EIF2B1: variants seen among roughly 807,000 people sequenced by gnomAD.
EIF2B1 encodes eukaryotic translation initiation factor 2B subunit alpha.
Under a neutral mutation model 36.8 loss-of-function variants are expected in EIF2B1, and 30 were observed. The ratio of observed to expected loss-of-function variants is 0.81; its 90% confidence interval spans 0.61 to 1.10. The LOEUF (loss-of-function observed/expected upper bound fraction) is 1.10, where lower values mean the gene tolerates loss of function less well. Ranked by LOEUF, EIF2B1 falls within the 50% of genes least tolerant of loss-of-function variation. EIF2B1 has a pLI of 0.00. For synonymous variants in EIF2B1, 139 were observed against 142.2 expected (o/e 0.98, Z 0.16); for missense variants, 271 against 374.8 (o/e 0.72, Z 2.29).
chr12:123,625,542 TC>T (rs1367853546), intron 6 of EIF2B1, among the ~76,000 whole-genome samples: 21 of 152,206 alleles, frequency 1.4e-4, no homozygotes, highest in Admixed American at 5.2e-4. Context: ...GCCAATTTAG[TC>T]TTTAAAATGA....
At chr12:123,627,361 C>CA (rs1387713224) in intron 4 of EIF2B1, among the ~76,000 whole-genome samples, 1 of 152,202 alleles carries the variant, frequency 6.6e-6, no homozygotes, top group Non-Finnish European at 1.5e-5. Flanking sequence ...CATCCTGTAG[C>CA]AGGTGCAGAA....
intron 8 of EIF2B1, 79 bp downstream of exon 8, chr12:123,622,557 C>T: frequency 6.3e-7 from 1 of 1,593,018 alleles, no homozygotes; most frequent in Non-Finnish European, 8.6e-7. Flanking sequence ...GAAAAAATTA[C>T]TGGAACATTC....
At position 123,633,640 on chromosome 12, in the gene EIF2B1, G is replaced by C. The variant is rs769282951; in HGVS notation, c.-83C>G. 1 of 1,591,768 alleles carries C rather than the reference G, an allele frequency of 6.3e-7. No individual in the cohort carries two copies. Among genetic ancestry groups the C allele is most frequent in the Non-Finnish European group, 8.5e-7 (1 of 1,172,682 alleles). ...GGTCCGCCGGCCGCGCCGCCTGCGAGCCAGTCTGACAGCGCGCTGCACACC... is the reference window on the plus strand; with the variant it reads ...GGTCCGCCGGCCGCGCCGCCTGCGACCCAGTCTGACAGCGCGCTGCACACC... On this transcript the variant is annotated 5_prime_UTR_variant, in exon 1 of 9. Coordinates refer to ENST00000424014, the MANE Select transcript of EIF2B1 (RefSeq NM_001414.4).
intron 5 of EIF2B1, chr12:123,626,827 G>A (rs774054087): frequency 5.6e-5 from 39 of 698,474 alleles, no homozygotes; most frequent in Admixed American, 1.0e-4. Context: ...GCTCTTCCAC[G>A]GAGTTAACTA....
At position 123,633,594 on chromosome 12, in the gene EIF2B1, C is replaced by G. The variant is rs1444361049; in HGVS notation, c.-37G>C. ...GCTGCGGAGCCCCAGGGGACCCGAG[C>G]CGCCCGCGCTGTCTCGAACGGGTCC... On this transcript the variant is annotated 5_prime_UTR_variant, in exon 1 of 9. Coordinates refer to ENST00000424014, the MANE Select transcript of EIF2B1 (RefSeq NM_001414.4). 6.2e-7 allele frequency: 1 copy of G among 1,605,884 alleles called. No homozygotes were observed. Among genetic ancestry groups the G allele is most frequent in the Non-Finnish European group, 8.5e-7 (1 of 1,179,894 alleles).
rs1555286069 is a variant in EIF2B1, at chr12:123,633,654, G to C, written c.-97C>G. 10 of 1,564,256 alleles carry C rather than the reference G, an allele frequency of 6.4e-6. No homozygotes were observed. The South Asian group carries it at 8.9e-5, about 14-fold the overall frequency. On this transcript the variant is annotated 5_prime_UTR_variant, in exon 1 of 9. Transcript: ENST00000424014. Reference sequence around the variant, plus strand: ...GCCGCCTGCGAGCCAGTCTGACAGCGCGCTGCACACCTCCGCACCCCACTT... The same window carrying C: ...GCCGCCTGCGAGCCAGTCTGACAGCCCGCTGCACACCTCCGCACCCCACTT...
chr12:123,622,327 G>C (rs1955108721), intron 8 of EIF2B1, among the ~76,000 whole-genome samples: 2 of 152,194 alleles, frequency 1.3e-5, no homozygotes, highest in Admixed American at 1.3e-4. Context: ...GAAATGAAAG[G>C]ACTTGCCTCA....
chr12:123,632,427 CTT>C lies in EIF2B1; in HGVS notation c.31_32del (p.Lys11ValfsTer8). On this transcript the variant is annotated frameshift_variant, in exon 2 of 9. Coordinates refer to ENST00000424014, the MANE Select transcript of EIF2B1 (RefSeq NM_001414.4). LOFTEE classifies it high-confidence loss of function. ...TGTCAGGATCTTCTTTCATCTGAGA[CTT>C]AAAGTATTCAATTAACTCTGGAAAA... MDDKELIEYF[K>X]SQMKEDPDMA... The C allele has an allele frequency of 6.2e-7, 1 of 1,613,224 alleles. No homozygotes were observed. The highest frequency in any genetic ancestry group is 8.5e-7 in the Non-Finnish European group (1 of 1,179,580).
rs1566215502 is a variant in EIF2B1, at chr12:123,626,412, G to A, written c.551+13C>T. 6.2e-7 allele frequency: 1 copy of A among 1,614,090 alleles called. No individual in the cohort carries two copies. The highest frequency in any genetic ancestry group is 1.1e-5 in the South Asian group (1 of 91,086). On this transcript the variant is annotated intron_variant, in intron 6 of 8. Coordinates refer to ENST00000424014, the MANE Select transcript of EIF2B1 (RefSeq NM_001414.4). ...GGGGGAGGTGATTATGGCTGGGGAA[G>A]ATGGGCACTCACCCGACAGCAGCAT...
chr12:123,630,197 A>G lies in EIF2B1; in HGVS notation c.341T>C (p.Leu114Pro), dbSNP rs1955177720. The G allele has an allele frequency of 1.2e-6, 2 of 1,614,072 alleles. No homozygotes were observed. The highest frequency in any genetic ancestry group is 2.7e-5 in the African/African-American group (2 of 75,064). ...TCCATCTTTGATGAAAGTATGGCAC[A>G]GATCTGCAATTTTGTTTCTTGACAG... ...ISLSRNKIAD[L>P]CHTFIKDGAT... The change falls in exon 4 of 9, where the codon CTG (leucine) becomes CCG (proline). Residue 114 changes from leucine to proline, a missense_variant. By Grantham distance (98) the Leu-to-Pro change is moderately conservative. Transcript: ENST00000424014. This position sits in a 1 kb window ranked among gnomAD's most constrained non-coding sequence, Gnocchi z 4.6.
At chr12:123,624,073 G>A (rs6488884) in intron 7 of EIF2B1, among the ~76,000 whole-genome samples, 44,852 of 147,736 alleles carry the variant, frequency 0.3, 7,473 homozygotes, top group African/African-American at 0.42. Flanking sequence ...ATAAATACAC[G>A]TATTTTATAC....
rs1555284662 is a variant in EIF2B1, at chr12:123,620,619, T to TATAA, written c.*1136_*1137insTTAT. The TATAA allele has an allele frequency of 1.5e-3, 179 of 120,544 alleles. No individual in the cohort carries two copies. Among genetic ancestry groups the TATAA allele is most frequent in the African/African-American group, 5.9e-3 (162 of 27,298 alleles). The allele number at this position is 120,544 out of a possible 1,614,324, so 7.5% of individuals were successfully genotyped here. On this transcript the variant is annotated 3_prime_UTR_variant, in exon 9 of 9. Coordinates refer to ENST00000424014, the MANE Select transcript of EIF2B1 (RefSeq NM_001414.4). ...ATATATATATATATATATATATATATATATATATAAGCTCTTTTTTCTGAG... is the reference window on the plus strand; with the variant it reads ...ATATATATATATATATATATATATATATAAATATATATAAGCTCTTTTTTCTGAG...
At chr12:123,627,288 A>G (rs1955156504) in intron 4 of EIF2B1, 132 bp from the exon 5 acceptor site, 1 of 773,356 alleles carries the variant, frequency 1.3e-6, no homozygotes, top group African/African-American at 1.7e-5. Flanking sequence ...ACAACCAGAA[A>G]GGAGACCTGA....
intron 7 of EIF2B1, among the ~76,000 whole-genome samples, chr12:123,624,096 T>C (rs1049350146): frequency 6.7e-6 from 1 of 148,658 alleles, no homozygotes; most frequent in Non-Finnish European, 1.5e-5. Flanking sequence ...ACATACTTTA[T>C]ATGTAAATAT....
chr12:123,622,238 T>C (rs996666488), intron 8 of EIF2B1, among the ~76,000 whole-genome samples: 1 of 152,220 alleles, frequency 6.6e-6, no homozygotes. Context: ...GGGACTGTGC[T>C]AAGATTATCT....
intron 7 of EIF2B1, among the ~76,000 whole-genome samples, chr12:123,623,255 G>A (rs1955121777): frequency 6.6e-6 from 1 of 151,730 alleles, no homozygotes; most frequent in South Asian, 2.1e-4. Context: ...GTGGGATGGG[G>A]GGTGCCTGTA....
At chr12:123,628,245 C>T (rs898676474) in intron 4 of EIF2B1, among the ~76,000 whole-genome samples, 1 of 151,736 alleles carries the variant, frequency 6.6e-6, no homozygotes, top group Non-Finnish European at 1.5e-5. Context: ...TTTGTAGAGA[C>T]AGGGCCTCTC....
intron 6 of EIF2B1, chr12:123,626,140 CAAA>C (rs1042769769): frequency 3.9e-5 from 17 of 433,814 alleles, no homozygotes; most frequent in Middle Eastern, 6.8e-4. Flanking sequence ...CTCAAAAAAA[CAAA>C]AAACAAACAA....
intron 4 of EIF2B1, among the ~76,000 whole-genome samples, chr12:123,628,564 A>G (rs775554559): frequency 3.3e-5 from 5 of 151,872 alleles, no homozygotes; most frequent in Non-Finnish European, 5.9e-5. Context: ...AAGTTTTGCC[A>G]TGTTGCCCGG....
Sources: gnomAD v4.1 joint callset for allele counts (sites outside exome capture counted in the v4.1 genomes callset) on GRCh38, gnomAD v4.1.1 for gene constraint, Gnocchi (gnomAD v3.1) non-coding constraint, MANE v1.5 for transcripts, NCBI Gene and HGNC (gene_info 2026-07-23, HGNC 2026-07-21) for gene names.